The following TENM3 variants were observed in gnomAD, a reference collection of about 807,000 sequenced individuals.
The protein encoded by TENM3 is teneurin transmembrane protein 3, also known as teneurin-3.
A neutral mutation model predicts 255.1 loss-of-function variants in TENM3; 63 were observed. That is an observed-to-expected ratio of 0.25 (90% confidence interval 0.20 to 0.30). The LOEUF is 0.30. TENM3 is among the 10% of genes least tolerant of loss of function. TENM3 has a pLI of 1.00. For synonymous variants in TENM3, 1,306 were observed against 1,322.3 expected (o/e 0.99, Z 0.27); for missense variants, 2,929 against 3,461.1 (o/e 0.85, Z 3.86).
the TENM3 span, among the ~76,000 whole-genome samples, chr4:181,514,096 A>G: frequency 7.5e-4 from 114 of 152,338 alleles, no homozygotes; most frequent in African/African-American, 2.5e-3. Context: ...AATTGTATGA[A>G]ATGAGAATTT....
chr4:182,742,399 A>G (rs1374154166), intron 18 of TENM3, among the ~76,000 whole-genome samples: 3 of 152,232 alleles, frequency 2.0e-5, no homozygotes, highest in Non-Finnish European at 4.4e-5. Context: ...GCCTTCTACA[A>G]CAGTTTTGTT....
intron 1 of TENM3, among the ~76,000 whole-genome samples, chr4:182,277,603 T>C (rs538131655): frequency 4.6e-5 from 7 of 152,316 alleles, no homozygotes; most frequent in Admixed American, 4.6e-4. Context: ...TCTGGCTGTG[T>C]TGTTAGGCTA....
chr4:182,201,806 A>G (rs773963153), intron 1 of TENM3, among the ~76,000 whole-genome samples: 2 of 152,184 alleles, frequency 1.3e-5, no homozygotes, highest in Non-Finnish European at 2.9e-5. Flanking sequence ...GAAGAACAAA[A>G]CAAGGATTTT....
chr4:182,563,010 T>C (rs1366116134), intron 3 of TENM3, among the ~76,000 whole-genome samples: 1 of 152,206 alleles, frequency 6.6e-6, no homozygotes, highest in East Asian at 1.9e-4. Context: ...TAAGGCACCA[T>C]GTACTCACAG....
At chr4:182,489,778 T>C (rs1002699254) in intron 3 of TENM3, among the ~76,000 whole-genome samples, 5 of 151,672 alleles carry the variant, frequency 3.3e-5, no homozygotes, top group African/African-American at 1.2e-4. Flanking sequence ...TCCCTCCTTA[T>C]TCCTTCCATT....
intron 27 of TENM3, among the ~76,000 whole-genome samples, chr4:182,797,206 G>A (rs892640157): frequency 7.2e-5 from 11 of 152,152 alleles, no homozygotes; most frequent in South Asian, 2.1e-4. Flanking sequence ...TTGGGAGGCC[G>A]AGGAGGTCGG....
the TENM3 span, among the ~76,000 whole-genome samples, chr4:182,091,434 T>C: frequency 3.3e-5 from 5 of 152,158 alleles, no homozygotes; most frequent in Admixed American, 2.0e-4. Context: ...GGTAGCCAGA[T>C]GGTGGTAACT....
At chr4:182,271,515 G>A (rs570643889) in intron 1 of TENM3, among the ~76,000 whole-genome samples, 2 of 152,232 alleles carry the variant, frequency 1.3e-5, no homozygotes, top group South Asian at 4.1e-4. Context: ...CAGAAGAAGG[G>A]GACATGTCCT....
intron 3 of TENM3, among the ~76,000 whole-genome samples, chr4:182,412,452 G>C (rs1770053516): frequency 6.6e-6 from 1 of 152,116 alleles, no homozygotes; most frequent in Admixed American, 6.5e-5. Flanking sequence ...TAAAATTAAT[G>C]CTGTGAAATC....
the TENM3 span, among the ~76,000 whole-genome samples, chr4:181,770,592 A>G: frequency 4.0e-5 from 6 of 149,290 alleles, no homozygotes; most frequent in Non-Finnish European, 7.4e-5. Context: ...GGAGAATGGC[A>G]TGAACCTGGG....
At chr4:182,744,592 T>C (rs1761867396) in intron 19 of TENM3, among the ~76,000 whole-genome samples, 1 of 152,136 alleles carries the variant, frequency 6.6e-6, no homozygotes, top group Non-Finnish European at 1.5e-5. Context: ...AGAAAAAGAA[T>C]CTAGAAATAT....
the TENM3 span, among the ~76,000 whole-genome samples, chr4:182,000,042 C>A: frequency 6.6e-6 from 1 of 152,094 alleles, no homozygotes; most frequent in East Asian, 1.9e-4. Flanking sequence ...CAATAGACTT[C>A]AGAGATTTTA....
At chr4:181,503,029 A>G in the TENM3 span, among the ~76,000 whole-genome samples, 9 of 152,178 alleles carry the variant, frequency 5.9e-5, no homozygotes, top group Admixed American at 5.9e-4. Flanking sequence ...CTTCTTAAAA[A>G]TGGGAAGACA....
At chr4:181,619,899 G>C in the TENM3 span, among the ~76,000 whole-genome samples, 1 of 152,220 alleles carries the variant, frequency 6.6e-6, no homozygotes, top group African/African-American at 2.4e-5. Context: ...TTGTGTGGCA[G>C]TCAGGAAATG....
intron 3 of TENM3, among the ~76,000 whole-genome samples, chr4:182,515,683 G>A (rs1188212694): frequency 6.6e-6 from 1 of 152,100 alleles, no homozygotes; most frequent in African/African-American, 2.4e-5. Flanking sequence ...GTAAGGAGAG[G>A]AGACTTCTGT....
intron 2 of TENM3, among the ~76,000 whole-genome samples, chr4:182,332,677 G>C (rs1763847161): frequency 6.8e-6 from 1 of 146,764 alleles, no homozygotes; most frequent in African/African-American, 2.5e-5. Context: ...CTGGGCGACA[G>C]AGCAAGACTC....
At chr4:182,615,287 A>G (rs1168681676) in intron 4 of TENM3, among the ~76,000 whole-genome samples, 1 of 143,876 alleles carries the variant, frequency 7.0e-6, no homozygotes, top group Non-Finnish European at 1.6e-5. Flanking sequence ...TTAGAGGAAA[A>G]AAGAATATAT....
Position 182,357,782 on chromosome 4 carries a change from A to G in TENM3, c.511+10853A>G, listed in dbSNP as rs1211911056. The stretch of plus-strand genomic sequence containing the variant: ...ATTGCTTTTGGTGTTTTAGACATGA[A>G]GTCCTTGCCCATGCCTATGTCCTGA... On this transcript the variant is annotated intron_variant, in intron 3 of 27. Transcript: ENST00000511685. 3.9e-4 allele frequency among the ~76,000 whole-genome samples: 58 copies of G among 149,918 alleles called. No individual in the cohort carries two copies. In the East Asian group the frequency reaches 0.011, roughly 29 times the overall value.
chr4:181,831,258 GC>G, the TENM3 span, among the ~76,000 whole-genome samples: 158 of 152,116 alleles, frequency 1.0e-3, 3 homozygotes, highest in East Asian at 0.029. Flanking sequence ...TTTAAAGATT[GC>G]AAAAAATTTT....
Sources: gnomAD v4.1 joint callset for allele counts (sites outside exome capture counted in the v4.1 genomes callset) on GRCh38, gnomAD v4.1.1 for gene constraint, MANE v1.5 for transcripts, NCBI Gene and HGNC (gene_info 2026-07-23, HGNC 2026-07-21) for gene names.